Variants in NMU observed in about 807,000 individuals in gnomAD.
The protein encoded by NMU is neuromedin U.
Under a neutral mutation model 35.4 loss-of-function variants are expected in NMU, and 29 were observed. The ratio of observed to expected loss-of-function variants is 0.82; its 90% CI spans 0.61 to 1.12. NMU has a LOEUF of 1.12. Ranked by LOEUF, NMU falls within the 50% of genes most tolerant of loss-of-function variation. The pLI is 0.00. For missense variants in NMU, 199 were observed against 206.2 expected (o/e 0.97, Z 0.21); for synonymous variants, 78 against 81.3 (o/e 0.96, Z 0.22).
chr4:55,602,844 G>A (rs1352362047), intron 7 of NMU, among the ~76,000 whole-genome samples: 1 of 152,046 alleles, frequency 6.6e-6, no homozygotes, highest in Non-Finnish European at 1.5e-5. Flanking sequence ...ATTCTAGGGA[G>A]GAAATACTGG....
intron 2 of NMU, among the ~76,000 whole-genome samples, chr4:55,626,587 G>T (rs1734539850): frequency 6.6e-6 from 1 of 152,106 alleles, no homozygotes; most frequent in African/African-American, 2.4e-5. Context: ...CGTGCCTGTA[G>T]TCCCAGCTAC....
chr4:55,627,667 T>C (rs187361799), intron 2 of NMU, among the ~76,000 whole-genome samples: 10 of 152,292 alleles, frequency 6.6e-5, no homozygotes, highest in African/African-American at 2.2e-4. Flanking sequence ...AACTGTACTT[T>C]TACGTTACTT....
chr4:55,610,520 T>C (rs1463869549), intron 3 of NMU, among the ~76,000 whole-genome samples: 1 of 151,644 alleles, frequency 6.6e-6, no homozygotes, highest in Non-Finnish European at 1.5e-5. Flanking sequence ...TCCAGTAGTC[T>C]CACCTCCTCT....
intron 2 of NMU, among the ~76,000 whole-genome samples, chr4:55,624,858 G>C (rs2110207859): frequency 5.5e-5 from 1 of 18,210 alleles, no homozygotes; most frequent in African/African-American, 1.5e-4. Flanking sequence ...ATGAGTTCAT[G>C]TCCTTTGTAG....
chr4:55,612,675 T>A (rs899547052), intron 3 of NMU, among the ~76,000 whole-genome samples: 1 of 152,188 alleles, frequency 6.6e-6, no homozygotes, highest in Admixed American at 6.5e-5. Flanking sequence ...TGGATGAGCT[T>A]CAGTAAGATT....
At chr4:55,596,857 A>G (rs1733204565) in intron 9 of NMU, among the ~76,000 whole-genome samples, 1 of 152,182 alleles carries the variant, frequency 6.6e-6, no homozygotes, top group African/African-American at 2.4e-5. Flanking sequence ...AAAAGCTCCA[A>G]AGTGTTTCAC....
intron 2 of NMU, among the ~76,000 whole-genome samples, chr4:55,617,597 TTTAA>T (rs1734157532): frequency 6.6e-6 from 1 of 152,006 alleles, no homozygotes; most frequent in Non-Finnish European, 1.5e-5. Flanking sequence ...ACAAAAATCC[TTTAA>T]TTAAGTTGTA....
chr4:55,635,101 G>A (rs549229752), intron 1 of NMU, among the ~76,000 whole-genome samples: 288 of 152,258 alleles, frequency 1.9e-3, no homozygotes, highest in African/African-American at 6.6e-3. Context: ...CCTCACGACA[G>A]GAGAGCAGAG....
chr4:55,597,115 T>C (rs1222536820), intron 9 of NMU, among the ~76,000 whole-genome samples: 1 of 152,128 alleles, frequency 6.6e-6, no homozygotes, highest in Non-Finnish European at 1.5e-5. Context: ...TACTGATGAA[T>C]ACTGTTTAAT....
chr4:55,604,679 A>ATTTTTTTTT (rs767568542), intron 7 of NMU, among the ~76,000 whole-genome samples: 634 of 47,576 alleles, frequency 0.013, 92 homozygotes, highest in African/African-American at 0.02. Flanking sequence ...TGCCTGGCTA[A>ATTTTTTTTT]TTTTTTTTTT....
chr4:55,615,470 G>A (rs1387425471), intron 3 of NMU, among the ~76,000 whole-genome samples: 2 of 152,154 alleles, frequency 1.3e-5, no homozygotes, highest in Non-Finnish European at 2.9e-5. Flanking sequence ...CTTGATATCA[G>A]ATCTGAAGCC....
At chr4:55,604,012 T>TATACAC (rs1275667846) in intron 7 of NMU, among the ~76,000 whole-genome samples, 44 of 2,624 alleles carry the variant, frequency 0.017, 10 homozygotes, top group African/African-American at 0.023. Context: ...TATATGTATA[T>TATACAC]ATGTGTATAT....
chr4:55,606,626 T>A (rs941483392), intron 6 of NMU, among the ~76,000 whole-genome samples: 37 of 152,102 alleles, frequency 2.4e-4, no homozygotes, highest in Non-Finnish European at 4.9e-4. Flanking sequence ...TTGCTTTTTT[T>A]ATTTTCTTGG....
Position 55,605,372 on chromosome 4 carries a change from G to T in NMU, c.361-23C>A, listed in dbSNP as rs28708653. On this transcript the variant is annotated intron_variant, in intron 6 of 9. Coordinates refer to ENST00000264218, the MANE Select transcript of NMU (RefSeq NM_006681.4). ...CGACTGAGAGGACATGAACACACACGTGAATAAGTGCATGGCTTCTCAGCA... is the reference window on the plus strand; with the variant it reads ...CGACTGAGAGGACATGAACACACACTTGAATAAGTGCATGGCTTCTCAGCA... The T allele has an allele frequency of 1.6e-5, 25 of 1,561,400 alleles. 1 individual carries two copies. The South Asian group carries it at 2.4e-4, about 15-fold the overall frequency.
intron 6 of NMU, 148 bp downstream of exon 6, chr4:55,607,150 A>C: frequency 1.6e-6 from 1 of 623,296 alleles, no homozygotes; most frequent in Non-Finnish European, 2.9e-6. Flanking sequence ...TCAAATGTAT[A>C]ATAAATATTG....
intron 3 of NMU, among the ~76,000 whole-genome samples, chr4:55,611,169 C>G (rs62308663): frequency 1.3e-5 from 2 of 151,998 alleles, no homozygotes; most frequent in East Asian, 3.9e-4. Context: ...TGAGACCAGC[C>G]TGGACAACAT....
At chr4:55,626,575 C>T (rs1734539478) in intron 2 of NMU, among the ~76,000 whole-genome samples, 1 of 152,138 alleles carries the variant, frequency 6.6e-6, no homozygotes, top group African/African-American at 2.4e-5. Context: ...GCCGTGGTGG[C>T]ACGTGCCTGT....
chr4:55,616,371 A>C lies in NMU; in HGVS notation c.186T>G (p.Cys62Trp). 6.2e-7 allele frequency: 1 copy of C among 1,611,968 alleles called. No homozygotes were observed. Among genetic ancestry groups the C allele is most frequent in the Non-Finnish European group, 8.5e-7 (1 of 1,178,056 alleles). ...GAGAATCAATGGACAGAAAAGACGA[A>C]CAAGTATCATCTATCTGTAGAAAAC... is the stretch of plus-strand genomic sequence containing the variant. Reference protein sequence around the residue: ...LQLWNEIDDTCSSFLSIDSQP... With the variant: ...LQLWNEIDDTWSSFLSIDSQP... Residue 62 changes from cysteine to tryptophan, a missense_variant, in exon 3 of 10, where the codon TGT becomes TGG. Physicochemically the swap from Cys to Trp is radical, Grantham distance 215. Transcript: ENST00000264218.
In NMU at chr4:55,636,170, C is replaced by A; in HGVS notation, c.23G>T (p.Arg8Leu). 6.6e-7 allele frequency: 1 copy of A among 1,508,940 alleles called. No homozygotes were observed. Among genetic ancestry groups the A allele is most frequent in the Non-Finnish European group, 8.8e-7 (1 of 1,136,232 alleles). The allele number at this position is 1,508,940 out of a possible 1,614,324, so 93.5% of individuals were successfully genotyped here. A position where few individuals can be genotyped will look rare whatever the true frequency, so the allele number is the denominator to read the frequency against. ...CACCTGTCCGGCGGGCGACCTGGGG[C>A]GGCAGCTCTCTGTTCGCAGCATCTC... MLRTESC[R>L]PRSPAGQVAA... The change falls in exon 1 of 10, where the codon CGC becomes CTC. Residue 8 changes from arginine to leucine, a missense_variant. Arg to Leu is a moderately radical substitution (Grantham distance 102). Coordinates refer to ENST00000264218, the MANE Select transcript of NMU (RefSeq NM_006681.4). This position sits in a 1 kb window ranked among gnomAD's most constrained non-coding sequence, Gnocchi z 4.0.
Sources: gnomAD v4.1 joint callset for allele counts (sites outside exome capture counted in the v4.1 genomes callset) on GRCh38, gnomAD v4.1.1 for gene constraint, Gnocchi (gnomAD v3.1) non-coding constraint, MANE v1.5 for transcripts, NCBI Gene and HGNC (gene_info 2026-07-23, HGNC 2026-07-21) for gene names.